The following CYBRD1 variants were observed in gnomAD, a reference collection of about 807,000 sequenced individuals.
CYBRD1 encodes the protein plasma membrane ascorbate-dependent reductase CYBRD1.
A neutral mutation model predicts 21.9 loss-of-function variants in CYBRD1; 14 were observed. The ratio of observed to expected loss-of-function variants is 0.64; its 90% CI spans 0.42 to 1.00. The LOEUF (loss-of-function observed/expected upper bound fraction) is 1.00, where lower values mean the gene tolerates loss of function less well. Ranked by LOEUF, CYBRD1 falls within the 50% of genes least tolerant of loss-of-function variation. The pLI is 0.00. For missense variants in CYBRD1, 328 were observed against 352.5 expected, an observed-to-expected ratio of 0.93 and a Z score of 0.56; for synonymous variants, 146 against 136.5, an observed-to-expected ratio of 1.07 and a Z score of -0.48.
chr2:171,545,864 A>G (rs1196072890), intron 2 of CYBRD1, among the ~76,000 whole-genome samples: 1 of 152,022 alleles, frequency 6.6e-6, no homozygotes, highest in African/African-American at 2.4e-5. Context: ...TCTTCTAGGT[A>G]TTTTGAAATA....
In CYBRD1 at chr2:171,555,948, A is replaced by G. The variant is rs1394846486; in HGVS notation, c.*1121A>G. 1 of 152,128 alleles carries G rather than the reference A, an allele frequency of 6.6e-6. No homozygotes were observed. The highest frequency in any genetic ancestry group is 1.5e-5 in the Non-Finnish European group (1 of 68,020). The allele number at this position is 152,128 out of a possible 1,614,324, so 9.4% of individuals were successfully genotyped here. On this transcript the variant is annotated 3_prime_UTR_variant, in exon 4 of 4. Coordinates refer to ENST00000321348, the MANE Select transcript of CYBRD1 (RefSeq NM_024843.4). The stretch of plus-strand genomic sequence containing the variant: ...TTGACCCACCCCTGAATAAACCTCA[A>G]TTGCTGGAGTGGGGTGTAGTTATTA...
At chr2:171,552,279 T>C (rs904625699) in intron 2 of CYBRD1, among the ~76,000 whole-genome samples, 2 of 152,218 alleles carry the variant, frequency 1.3e-5, no homozygotes, top group African/African-American at 4.8e-5. Context: ...TCTGTTTTGA[T>C]GATTATATGA....
intron 1 of CYBRD1, among the ~76,000 whole-genome samples, chr2:171,524,285 A>G (rs753009435): frequency 6.6e-6 from 1 of 152,142 alleles, no homozygotes; most frequent in Non-Finnish European, 1.5e-5. Flanking sequence ...TATGCTTATA[A>G]GAAAAAAACA....
intron 1 of CYBRD1, among the ~76,000 whole-genome samples, chr2:171,541,352 G>C (rs1168886649): frequency 6.6e-6 from 1 of 152,078 alleles, no homozygotes; most frequent in Non-Finnish European, 1.5e-5. Context: ...GAGCCTGAGA[G>C]GCACCAAGGT....
chr2:171,548,629 A>C (rs1387924445), intron 2 of CYBRD1, among the ~76,000 whole-genome samples: 4 of 146,694 alleles, frequency 2.7e-5, no homozygotes, highest in African/African-American at 1.0e-4. Context: ...AAAGCTCATT[A>C]AATCTACCTG....
At chr2:171,549,977 T>C (rs566500971) in intron 2 of CYBRD1, among the ~76,000 whole-genome samples, 1 of 152,214 alleles carries the variant, frequency 6.6e-6, no homozygotes, top group Non-Finnish European at 1.5e-5. Context: ...ACAGCAGTCA[T>C]TTTCAAACTT....
intron 2 of CYBRD1, 77 bp downstream of exon 2, chr2:171,541,870 T>G: frequency 7.3e-7 from 1 of 1,370,672 alleles, no homozygotes; most frequent in Non-Finnish European, 1.0e-6. Flanking sequence ...TCTTTTTTTT[T>G]TTTTTTTTTT....
rs141691061 is a variant in CYBRD1 at position 171,541,700 on chromosome 2, C to A, written c.309C>A (p.Ala103=). The change falls in exon 2 of 4, where the codon GCC becomes GCA. Residue 103 remains alanine, a synonymous_variant. Coordinates refer to ENST00000321348, the MANE Select transcript of CYBRD1 (RefSeq NM_024843.4). ...TTCTTGCAATTATCTCTGTGGTGGCCGTGTTTGAGAACCACAATGTTAACA... is the reference window on the plus strand; with the variant it reads ...TTCTTGCAATTATCTCTGTGGTGGCAGTGTTTGAGAACCACAATGTTAACA... ...AAILAIISVV[A]VFENHNVNNI... is the part of the protein sequence containing the mutation. 10 of 1,613,510 alleles carry A rather than the reference C, an allele frequency of 6.2e-6. No individual in the cohort carries two copies. The East Asian group carries it at 2.2e-4, about 36-fold the overall frequency.
Position 171,522,823 on chromosome 2 carries a change from T to C in CYBRD1, c.193+85T>C. The C allele has an allele frequency of 1.3e-6, 2 of 1,582,358 alleles. No homozygotes were observed. The highest frequency in any genetic ancestry group is 1.7e-6 in the Non-Finnish European group (2 of 1,163,644). ...GGTCCTCCGTGAAGCCCCTTCCAGCTGAGGAAGTGCTGGAGGATCGCGGGG... is the reference window on the plus strand; with the variant it reads ...GGTCCTCCGTGAAGCCCCTTCCAGCCGAGGAAGTGCTGGAGGATCGCGGGG... On this transcript the variant is annotated intron_variant, in intron 1 of 3. Transcript: ENST00000321348. The surrounding 1 kb of genome is among the most constrained non-coding windows in gnomAD (Gnocchi z 4.3).
intron 2 of CYBRD1, among the ~76,000 whole-genome samples, chr2:171,547,557 G>GTA (rs911769082): frequency 6.6e-6 from 1 of 151,982 alleles, no homozygotes; most frequent in African/African-American, 2.4e-5. Context: ...ACACAGTGAT[G>GTA]TATAGCTAGG....
At chr2:171,530,680 T>TA (rs1275465378) in intron 1 of CYBRD1, among the ~76,000 whole-genome samples, 1 of 151,850 alleles carries the variant, frequency 6.6e-6, no homozygotes, top group South Asian at 2.1e-4. Context: ...TCCAGGTTTT[T>TA]AAAAAATTGG....
At chr2:171,541,990 A>G (rs935563611) in intron 2 of CYBRD1, among the ~76,000 whole-genome samples, 197 bp downstream of exon 2, 8 of 148,962 alleles carry the variant, frequency 5.4e-5, no homozygotes, top group African/African-American at 2.0e-4. Context: ...TCAGCCTCCC[A>G]AGTAGCTGGG....
At chr2:171,529,531 C>CAAAAAAAAAAAAAAAAAAAAAAAAAAAA (rs57600338) in intron 1 of CYBRD1, among the ~76,000 whole-genome samples, 1 of 69,260 alleles carries the variant, frequency 1.4e-5, no homozygotes, top group Non-Finnish European at 2.5e-5. Flanking sequence ...AACTCTGTCT[C>CAAAAAAAAAAAAAAAAAAAAAAAAAAAA]AAAAAAAAAA....
chr2:171,543,107 A>G (rs1246028978), intron 2 of CYBRD1, among the ~76,000 whole-genome samples: 1 of 152,218 alleles, frequency 6.6e-6, no homozygotes, highest in African/African-American at 2.4e-5. Context: ...ACCAATTACC[A>G]CAGACTTAAT....
intron 1 of CYBRD1, among the ~76,000 whole-genome samples, chr2:171,529,531 CAAAAAAAAAAAA>C (rs57600338): frequency 5.8e-5 from 4 of 69,260 alleles, no homozygotes; most frequent in Admixed American, 3.9e-4. Flanking sequence ...AACTCTGTCT[CAAAAAAAAAAAA>C]AAAAAAAAAA....
chr2:171,543,547 G>A (rs552241478), intron 2 of CYBRD1, among the ~76,000 whole-genome samples: 11 of 151,800 alleles, frequency 7.2e-5, no homozygotes, highest in African/African-American at 2.7e-4. Context: ...CCATTCTCCC[G>A]GTGTTTATTC....
At chr2:171,532,853 A>C (rs1039778409) in intron 1 of CYBRD1, among the ~76,000 whole-genome samples, 14 of 148,934 alleles carry the variant, frequency 9.4e-5, no homozygotes, top group African/African-American at 3.5e-4. Flanking sequence ...TATGTTAATT[A>C]GCTTGATTTA....
At chr2:171,523,134 C>A in intron 1 of CYBRD1, 1 of 326,542 alleles carries the variant, frequency 3.1e-6, no homozygotes. Flanking sequence ...CCGCTGCAGC[C>A]CACGCGCCCC....
At chr2:171,528,880 C>A (rs1352104406) in intron 1 of CYBRD1, among the ~76,000 whole-genome samples, 1 of 152,204 alleles carries the variant, frequency 6.6e-6, no homozygotes, top group Non-Finnish European at 1.5e-5. Context: ...ATCTGTGATT[C>A]TTCTCTTCCA....
Sources: allele counts gnomAD v4.1 joint callset (sites outside exome capture counted in the v4.1 genomes callset), GRCh38; gene constraint gnomAD v4.1.1; non-coding constraint Gnocchi (gnomAD v3.1); transcripts MANE v1.5; gene names NCBI Gene and HGNC (gene_info 2026-07-23, HGNC 2026-07-21).